Variants in GULP1 observed in about 807,000 individuals in gnomAD.
GULP1 encodes the protein GULP PTB domain containing engulfment adaptor 1.
Under a neutral mutation model 40.9 loss-of-function variants are expected in GULP1, and 19 were observed. That is an observed-to-expected ratio of 0.46 (90% CI 0.32 to 0.68). The LOEUF (loss-of-function observed/expected upper bound fraction) is 0.68, where lower values mean the gene tolerates loss of function less well. GULP1 is among the 30% of genes least tolerant of loss of function. The pLI, the probability that GULP1 is intolerant of heterozygous loss-of-function variation, is 0.03. For synonymous variants in GULP1, 119 were observed against 117.6 expected, an observed-to-expected ratio of 1.01 and a Z score of -0.08; for missense variants, 312 against 362.2, an observed-to-expected ratio of 0.86 and a Z score of 1.12.
chr2:188,347,657 A>G (rs1192788070), intron 1 of GULP1, among the ~76,000 whole-genome samples: 2 of 139,824 alleles, frequency 1.4e-5, no homozygotes, highest in African/African-American at 5.4e-5. Flanking sequence ...TCTGTCACCC[A>G]GGCTGGAGTG....
At chr2:188,384,801 C>T (rs1393975037) in intron 2 of GULP1, among the ~76,000 whole-genome samples, 1 of 152,272 alleles carries the variant, frequency 6.6e-6, no homozygotes, top group Non-Finnish European at 1.5e-5. Context: ...TTCCAAAATC[C>T]AGTGGGGCAG....
At chr2:188,366,400 G>T (rs889097873) in intron 1 of GULP1, among the ~76,000 whole-genome samples, 5 of 151,998 alleles carry the variant, frequency 3.3e-5, no homozygotes, top group Admixed American at 2.6e-4. Flanking sequence ...AAAAAAATAA[G>T]CTCCATGTCA....
chr2:188,322,951 C>G (rs1474929435), intron 1 of GULP1, among the ~76,000 whole-genome samples: 1 of 152,074 alleles, frequency 6.6e-6, no homozygotes, highest in Admixed American at 6.6e-5. Context: ...TTTATCTTTA[C>G]CCTCTATTTG....
chr2:188,582,109 A>ATTAAAATATT (rs1701444201), intron 9 of GULP1, among the ~76,000 whole-genome samples: 1 of 152,146 alleles, frequency 6.6e-6, no homozygotes, highest in African/African-American at 2.4e-5. Context: ...TTAAAATACC[A>ATTAAAATATT]AAAAATGTAA....
In GULP1 at chr2:188,348,808, C is replaced by G. The variant is rs539573218; in HGVS notation, c.-171-34955C>G. On this transcript the variant is annotated intron_variant, in intron 1 of 11. Coordinates refer to ENST00000409830, the MANE Select transcript of GULP1 (RefSeq NM_016315.4). ...TGGATTTTGGTATCTGTAGGGGGGC[C>G]CTGGAACCAGTCCCCCTCCGATATC... 1.0e-3 allele frequency among the ~76,000 whole-genome samples: 157 copies of G among 152,160 alleles called. 1 individual carries two copies. In the South Asian group the frequency reaches 0.012, roughly 12 times the overall value.
intron 1 of GULP1, among the ~76,000 whole-genome samples, chr2:188,324,059 A>C (rs1192547584): frequency 6.6e-6 from 1 of 152,136 alleles, no homozygotes; most frequent in Non-Finnish European, 1.5e-5. Flanking sequence ...CCATGTGCTT[A>C]GCATAGCAAA....
intron 2 of GULP1, among the ~76,000 whole-genome samples, chr2:188,449,178 T>C (rs2058637479): frequency 6.6e-6 from 1 of 152,218 alleles, no homozygotes; most frequent in African/African-American, 2.4e-5. Context: ...ATTTGGTATT[T>C]GTCTTTTCCA....
intron 1 of GULP1, among the ~76,000 whole-genome samples, chr2:188,303,868 C>G (rs969527605): frequency 2.8e-4 from 43 of 152,150 alleles, no homozygotes; most frequent in African/African-American, 9.2e-4. Context: ...AGTCACCACA[C>G]TGGGGAAGCT....
At chr2:188,493,859 G>A (rs2062642714) in intron 4 of GULP1, among the ~76,000 whole-genome samples, 1 of 152,024 alleles carries the variant, frequency 6.6e-6, no homozygotes, top group African/African-American at 2.4e-5. Context: ...TCATTGGGTT[G>A]CGTCAGTTCT....
chr2:188,485,281 C>A (rs912027790), intron 4 of GULP1, among the ~76,000 whole-genome samples: 2 of 151,968 alleles, frequency 1.3e-5, no homozygotes, highest in African/African-American at 4.8e-5. Flanking sequence ...AGTGCCAATT[C>A]ACAGGTGCAT....
At chr2:188,327,797 A>G (rs1280530427) in intron 1 of GULP1, among the ~76,000 whole-genome samples, 2 of 152,148 alleles carry the variant, frequency 1.3e-5, no homozygotes, top group African/African-American at 4.8e-5. Context: ...TGTGAGCCAT[A>G]TGAAAGTGGC....
intron 8 of GULP1, 76 bp downstream of exon 8, chr2:188,569,431 T>C: frequency 1.2e-6 from 1 of 809,908 alleles, no homozygotes; most frequent in South Asian, 1.4e-5. Context: ...CAAACAAATT[T>C]AGAAGCCCTG....
intron 1 of GULP1, among the ~76,000 whole-genome samples, chr2:188,299,509 T>C (rs1043714545): frequency 6.6e-6 from 1 of 152,216 alleles, no homozygotes; most frequent in African/African-American, 2.4e-5. Context: ...ATTTGAAGTC[T>C]TTCCCCCCTT....
At chr2:188,377,477 A>G (rs2048444121) in intron 1 of GULP1, among the ~76,000 whole-genome samples, 1 of 152,142 alleles carries the variant, frequency 6.6e-6, no homozygotes, top group Non-Finnish European at 1.5e-5. Flanking sequence ...TCACGTGTGG[A>G]AGCTGTATGA....
chr2:188,435,908 T>C (rs2057361689), intron 2 of GULP1, among the ~76,000 whole-genome samples: 1 of 152,124 alleles, frequency 6.6e-6, no homozygotes, highest in South Asian at 2.1e-4. Flanking sequence ...TCTCTTTTCT[T>C]TAAAAAGGCC....
chr2:188,378,374 A>G (rs2152482210), intron 1 of GULP1, among the ~76,000 whole-genome samples: 1 of 152,300 alleles, frequency 6.6e-6, no homozygotes, highest in East Asian at 1.9e-4. Flanking sequence ...TATTTATTTG[A>G]AGACTTATTT....
chr2:188,509,991 CAT>C (rs1244297468), intron 4 of GULP1, among the ~76,000 whole-genome samples: 3 of 152,004 alleles, frequency 2.0e-5, no homozygotes, highest in African/African-American at 7.2e-5. Context: ...TGGATTAGGA[CAT>C]AGAAATCATA....
chr2:188,403,580 G>T (rs1411721305), intron 2 of GULP1, among the ~76,000 whole-genome samples: 1 of 152,152 alleles, frequency 6.6e-6, no homozygotes, highest in East Asian at 1.9e-4. Flanking sequence ...TCAGAACTAT[G>T]CAGGAAAATA....
rs577160362 is a variant in GULP1, at chr2:188,583,294, CA to C, written c.610-970del. On this transcript the variant is annotated intron_variant, in intron 9 of 11. Coordinates refer to ENST00000409830, the MANE Select transcript of GULP1 (RefSeq NM_016315.4). ...CTACACACAATAAGCCTGATTTTTT[CA>C]TCACCTGCACTACCTGTGAATCAGA... 1.7e-3 allele frequency among the ~76,000 whole-genome samples: 254 copies of C among 152,246 alleles called. 2 individuals carry two copies. The highest frequency in any genetic ancestry group is 5.9e-3 in the African/African-American group (245 of 41,542).
Sources: gnomAD v4.1 joint callset for allele counts (sites outside exome capture counted in the v4.1 genomes callset) on GRCh38, gnomAD v4.1.1 for gene constraint, MANE v1.5 for transcripts, NCBI Gene and HGNC (gene_info 2026-07-23, HGNC 2026-07-21) for gene names.